The following CNGB1 variants were observed in gnomAD, a reference collection of about 807,000 sequenced individuals.
The protein encoded by CNGB1 is cyclic nucleotide-gated channel beta-1.
Under a neutral mutation model 151.7 loss-of-function variants are expected in CNGB1, and 126 were observed. That is an observed-to-expected ratio of 0.83 (90% CI 0.72 to 0.96). The LOEUF (loss-of-function observed/expected upper bound fraction) is 0.96. Ranked by LOEUF, CNGB1 falls within the 40% of genes least tolerant of loss-of-function variation. CNGB1 has a pLI of 0.00. For missense variants in CNGB1, 1,698 were observed against 1,627.0 expected (o/e 1.04, Z -0.75); for synonymous variants, 623 against 635.1 (o/e 0.98, Z 0.29).
At chr16:57,956,101 C>T (rs1962077812) in intron 12 of CNGB1, among the ~76,000 whole-genome samples, 1 of 152,214 alleles carries the variant, frequency 6.6e-6, no homozygotes, top group African/African-American at 2.4e-5. Flanking sequence ...GGGAATCCTG[C>T]CTCCTTCCAG....
intron 11 of CNGB1, 118 bp downstream of exon 11, chr16:57,958,292 C>A: frequency 1.8e-6 from 1 of 548,118 alleles, no homozygotes; most frequent in Non-Finnish European, 2.9e-6. Context: ...GCCATGCAGA[C>A]AGGAAGGCTG....
chr16:57,948,118 G>C (rs532566755), intron 14 of CNGB1, among the ~76,000 whole-genome samples: 1 of 152,260 alleles, frequency 6.6e-6, no homozygotes, highest in East Asian at 1.9e-4. Context: ...GGAGCAAGGA[G>C]AGAGTAACTT....
intron 16 of CNGB1, among the ~76,000 whole-genome samples, chr16:57,938,174 T>C (rs1041749542): frequency 1.3e-5 from 2 of 152,072 alleles, no homozygotes; most frequent in African/African-American, 4.8e-5. Flanking sequence ...GACCACCTGC[T>C]TCCAAATCAC....
intron 18 of CNGB1, among the ~76,000 whole-genome samples, chr16:57,922,711 G>A (rs9934985): frequency 0.027 from 4,099 of 152,158 alleles, 172 homozygotes; most frequent in African/African-American, 0.094. Flanking sequence ...TTACAGGCAT[G>A]AGCCACCACG....
intron 1 of CNGB1, among the ~76,000 whole-genome samples, chr16:57,967,837 C>T (rs1962440522): frequency 6.6e-6 from 1 of 151,866 alleles, no homozygotes; most frequent in Non-Finnish European, 1.5e-5. Flanking sequence ...TAGAATTACT[C>T]AAGGCCATAA....
Position 57,884,043 on chromosome 16 carries a change from G to C in CNGB1, c.*121C>G. ...TCAGAGCTGCAGCCACTGAGGTCAC[G>C]ACTACGGAAAAGCATCTTCTCTTGA... is the stretch of plus-strand genomic sequence containing the variant. On this transcript the variant is annotated 3_prime_UTR_variant, in exon 33 of 33. Coordinates refer to ENST00000251102, the MANE Select transcript of CNGB1 (RefSeq NM_001297.5). The C allele has an allele frequency of 1.4e-6, 2 of 1,451,852 alleles. No individual in the cohort carries two copies. Among genetic ancestry groups the C allele is most frequent in the South Asian group, 2.3e-5 (2 of 86,106 alleles). 89.9% of individuals were successfully genotyped at this position (1,451,852 alleles called of 1,614,324 possible). A position where few individuals can be genotyped will look rare whatever the true frequency, so the allele number is the denominator to read the frequency against.
intron 21 of CNGB1, among the ~76,000 whole-genome samples, chr16:57,916,664 A>T (rs553600594): frequency 6.6e-6 from 1 of 152,204 alleles, no homozygotes; most frequent in Admixed American, 6.5e-5. Flanking sequence ...ACTGGGAGAC[A>T]GGGACTGTGT....
intron 12 of CNGB1, among the ~76,000 whole-genome samples, chr16:57,951,401 G>C (rs186791277): frequency 3.3e-5 from 5 of 152,242 alleles, no homozygotes; most frequent in Admixed American, 3.3e-4. Flanking sequence ...GCTCAGGCTG[G>C]AGCGCATTAG....
intron 31 of CNGB1, among the ~76,000 whole-genome samples, chr16:57,888,941 C>A (rs1005266482): frequency 1.3e-5 from 2 of 152,156 alleles, no homozygotes; most frequent in Admixed American, 6.5e-5. Context: ...TATGCCAGGC[C>A]CTCTGCTCCA....
rs573313474 is a variant in CNGB1, at chr16:57,912,831, TTG to T, written c.2369+97_2369+98del. The T allele has an allele frequency of 5.9e-5, 71 of 1,205,608 alleles. 1 individual carries two copies. The highest frequency in any genetic ancestry group is 1.8e-4 in the Admixed American group (10 of 57,080). 74.7% of individuals were successfully genotyped at this position (1,205,608 alleles called of 1,614,324 possible). ...GTGTGTTGTGTGTGTCGTGTGTGTG[TTG>T]TGTGTGTGTCATCTGTGTTGTGTGT... On this transcript the variant is annotated intron_variant, in intron 24 of 32. Transcript: ENST00000251102.
At position 57,959,984 on chromosome 16, in the gene CNGB1, T is replaced by C; in HGVS notation, c.665A>G (p.Gln222Arg). ...TPSLPTPIPLQPKEEPKEAPA... is the reference protein window; with the variant it reads ...TPSLPTPIPLRPKEEPKEAPA... ...TGCCTCCTTGGGTTCCTCCTTGGGC[T>C]GCAGGGGGATGGGTGTGGGCAGGGA... Residue 222 changes from glutamine to arginine, a missense_variant, in exon 10 of 33, where the codon CAG (glutamine) becomes CGG (arginine). Physicochemically the swap from Gln to Arg is conservative, Grantham distance 43. Coordinates refer to ENST00000251102, the MANE Select transcript of CNGB1 (RefSeq NM_001297.5). 1 of 1,590,408 alleles carries C rather than the reference T, an allele frequency of 6.3e-7. No homozygotes were observed. Among genetic ancestry groups the C allele is most frequent in the South Asian group, 1.1e-5 (1 of 87,430 alleles).
intron 27 of CNGB1, among the ~76,000 whole-genome samples, chr16:57,902,983 G>A (rs1392982086): frequency 7.9e-5 from 12 of 152,218 alleles, no homozygotes; most frequent in Admixed American, 5.9e-4. Context: ...TGACATGCCC[G>A]TAGTCTTGTA....
At chr16:57,948,295 T>C (rs1961857618) in intron 14 of CNGB1, among the ~76,000 whole-genome samples, 1 of 148,384 alleles carries the variant, frequency 6.7e-6, no homozygotes, top group African/African-American at 2.5e-5. Context: ...TTTGAGGCAG[T>C]CCTTCTTTCT....
intron 14 of CNGB1, among the ~76,000 whole-genome samples, chr16:57,943,468 G>A (rs1314262943): frequency 1.3e-5 from 2 of 152,052 alleles, no homozygotes; most frequent in African/African-American, 2.4e-5. Flanking sequence ...TCAGGAGTTC[G>A]AGACCAGCCT....
At chr16:57,885,011 C>G (rs1015696369) in intron 32 of CNGB1, among the ~76,000 whole-genome samples, 13 of 152,346 alleles carry the variant, frequency 8.5e-5, no homozygotes, top group Admixed American at 7.2e-4. Context: ...TTGGGCTGCG[C>G]TGACCCCATG....
intron 29 of CNGB1, 123 bp downstream of exon 29, chr16:57,901,229 C>T (rs560315752): frequency 4.1e-6 from 4 of 971,588 alleles, no homozygotes; most frequent in South Asian, 3.9e-5. Context: ...GCCGCAGACG[C>T]TCTTCTCCCT....
At chr16:57,951,507 C>CTGT in intron 12 of CNGB1, among the ~76,000 whole-genome samples, 1 of 152,200 alleles carries the variant, frequency 6.6e-6, no homozygotes, top group East Asian at 1.9e-4. Flanking sequence ...AGGCATGCAC[C>CTGT]ACCATACCTG....
At chr16:57,892,045 C>T (rs1177108431) in intron 31 of CNGB1, among the ~76,000 whole-genome samples, 1 of 119,078 alleles carries the variant, frequency 8.4e-6, no homozygotes, top group East Asian at 2.3e-4. Context: ...TTAAACAGTG[C>T]AATCGCCAAC....
chr16:57,952,184 C>T (rs1482711612), intron 12 of CNGB1, among the ~76,000 whole-genome samples: 2 of 152,232 alleles, frequency 1.3e-5, no homozygotes, highest in African/African-American at 4.8e-5. Context: ...TTCACAGCAG[C>T]CCCAAAGGGC....
Sources: allele counts gnomAD v4.1 joint callset (sites outside exome capture counted in the v4.1 genomes callset), GRCh38; gene constraint gnomAD v4.1.1; transcripts MANE v1.5; gene names NCBI Gene and HGNC (gene_info 2026-07-23, HGNC 2026-07-21).